The following MGAT4C variants were observed in gnomAD, a reference collection of about 807,000 sequenced individuals.
MGAT4C encodes the protein MGAT4 family member C, also known as alpha-1,3-mannosyl-glycoprotein 4-beta-N-acetylglucosaminyltransferase C.
MGAT4C carries 19 observed loss-of-function variants against 40.1 expected under a neutral mutation model. The observed-to-expected ratio is 0.47, with a 90% CI of 0.33 to 0.70. The LOEUF (loss-of-function observed/expected upper bound fraction) is 0.70, where lower values mean the gene tolerates loss of function less well. Among genes scored for constraint, MGAT4C ranks in the 30% least tolerant of loss-of-function variants. The pLI, the probability that MGAT4C is intolerant of heterozygous loss-of-function variation, is 0.02. For missense variants in MGAT4C, 491 were observed against 563.2 expected, an observed-to-expected ratio of 0.87 and a Z score of 1.30; for synonymous variants, 181 against 187.1, an observed-to-expected ratio of 0.97 and a Z score of 0.27.
chr12:86,005,941 C>T (rs1887828036), intron 2 of MGAT4C, among the ~76,000 whole-genome samples: 1 of 152,066 alleles, frequency 6.6e-6, no homozygotes, highest in Admixed American at 6.6e-5. Context: ...AAATATAGTG[C>T]ACTCTTGTGA....
At chr12:86,391,647 A>G (rs1328151418) in intron 3 of MGAT4C, among the ~76,000 whole-genome samples, 2 of 152,090 alleles carry the variant, frequency 1.3e-5, no homozygotes, top group Non-Finnish European at 2.9e-5. Flanking sequence ...TAACCAGGTC[A>G]GGAGATCGAG....
intron 2 of MGAT4C, among the ~76,000 whole-genome samples, chr12:86,667,446 C>T (rs958773738): frequency 6.6e-5 from 10 of 152,130 alleles, no homozygotes; most frequent in African/African-American, 1.4e-4. Flanking sequence ...CACTAGAATT[C>T]GTACTCCTAT....
At chr12:86,472,263 C>A (rs1957767602) in intron 2 of MGAT4C, among the ~76,000 whole-genome samples, 1 of 152,088 alleles carries the variant, frequency 6.6e-6, no homozygotes, top group South Asian at 2.1e-4. Flanking sequence ...TTCTGGTTAC[C>A]TAGAAAATGA....
chr12:86,521,934 G>A (rs954007180), intron 2 of MGAT4C, among the ~76,000 whole-genome samples: 7 of 152,018 alleles, frequency 4.6e-5, no homozygotes, highest in South Asian at 4.1e-4. Context: ...GAATGCTAGT[G>A]ATTTTGTACA....
At chr12:86,764,259 T>C (rs961933371) in intron 1 of MGAT4C, among the ~76,000 whole-genome samples, 5 of 152,084 alleles carry the variant, frequency 3.3e-5, no homozygotes, top group African/African-American at 1.2e-4. Context: ...TCTCGCTGAT[T>C]GCTAGCACAG....
At chr12:86,743,653 G>C (rs543184193) in intron 1 of MGAT4C, among the ~76,000 whole-genome samples, 1 of 151,550 alleles carries the variant, frequency 6.6e-6, no homozygotes, top group Admixed American at 6.6e-5. Flanking sequence ...TTTACAGATT[G>C]TTAAACAAAG....
rs923710816 is a variant in MGAT4C, at chr12:86,036,434, T to C, written c.-7+13240A>G. 4.7e-5 allele frequency among the ~76,000 whole-genome samples: 7 copies of C among 150,104 alleles called. 1 individual carries two copies. The highest frequency in any genetic ancestry group is 9.7e-5 in the African/African-American group (4 of 41,274). Reference sequence around the variant, plus strand: ...GCTTCCAGTTTTTGCCCATTCAGTATGATATTAGCTGAATCTTATTATTTT... The same window carrying C: ...GCTTCCAGTTTTTGCCCATTCAGTACGATATTAGCTGAATCTTATTATTTT... On this transcript the variant is annotated intron_variant, in intron 2 of 4. Transcript: ENST00000611864.
chr12:86,719,343 C>T (rs1216903062), intron 2 of MGAT4C, among the ~76,000 whole-genome samples: 1 of 152,140 alleles, frequency 6.6e-6, no homozygotes, highest in African/African-American at 2.4e-5. Flanking sequence ...TTCAGTACAG[C>T]TCCTTCAGTG....
rs567353669 is a variant in MGAT4C at position 86,061,241 on chromosome 12, C to T, written c.-56-11518G>A. Among the ~76,000 whole-genome samples the T allele has an allele frequency of 3.3e-4, 50 of 152,204 alleles. 2 individuals carry two copies. The East Asian group carries it at 8.0e-3, about 24-fold the overall frequency. On this transcript the variant is annotated intron_variant, in intron 1 of 4. Transcript: ENST00000611864. ...AAGCAGGGTGGGGCATCCCCTCAAC[C>T]GGGAAGTGCAAGGGGTTGGGGAATT...
chr12:86,507,568 A>G (rs1366565907), intron 2 of MGAT4C, among the ~76,000 whole-genome samples: 1 of 152,218 alleles, frequency 6.6e-6, no homozygotes. Flanking sequence ...AAAGCAGATT[A>G]GAGACACAGG....
chr12:86,131,706 A>G (rs1593024818), intron 1 of MGAT4C, among the ~76,000 whole-genome samples: 1 of 150,710 alleles, frequency 6.6e-6, no homozygotes, highest in East Asian at 2.0e-4. Context: ...TAATCAAGAT[A>G]GTAGTATCAA....
chr12:86,403,431 A>T (rs1013203335), intron 3 of MGAT4C, among the ~76,000 whole-genome samples: 8 of 152,206 alleles, frequency 5.3e-5, no homozygotes, highest in Admixed American at 1.3e-4. Context: ...ATCTAATAGA[A>T]TTTTTGCTAG....
At chr12:86,346,045 A>G (rs992060965) in intron 3 of MGAT4C, among the ~76,000 whole-genome samples, 1 of 152,178 alleles carries the variant, frequency 6.6e-6, no homozygotes, top group East Asian at 1.9e-4. Flanking sequence ...AGAAATAGCA[A>G]AAAGGGATTT....
intron 3 of MGAT4C, among the ~76,000 whole-genome samples, chr12:86,355,374 G>T (rs534126270): frequency 6.6e-6 from 1 of 151,568 alleles, no homozygotes; most frequent in Admixed American, 6.6e-5. Context: ...AAAAAAGTTA[G>T]TCAAAAAATA....
At chr12:86,261,803 G>T (rs868337384) in intron 4 of MGAT4C, among the ~76,000 whole-genome samples, 4 of 152,032 alleles carry the variant, frequency 2.6e-5, no homozygotes, top group Admixed American at 2.0e-4. Context: ...GTGAAGGGAA[G>T]TAAGAATCAC....
chr12:86,079,744 A>T (rs1208210559), intron 1 of MGAT4C, among the ~76,000 whole-genome samples: 1 of 151,562 alleles, frequency 6.6e-6, no homozygotes, highest in African/African-American at 2.4e-5. Context: ...TATTTGTATA[A>T]GTGTGTAAAA....
chr12:86,591,628 A>G (rs191584079), intron 2 of MGAT4C, among the ~76,000 whole-genome samples: 229 of 151,962 alleles, frequency 1.5e-3, no homozygotes, highest in African/African-American at 5.2e-3. Flanking sequence ...TGTTTTTATG[A>G]AGATGATATA....
chr12:86,196,560 T>A (rs1566127288), intron 1 of MGAT4C, among the ~76,000 whole-genome samples: 1 of 152,226 alleles, frequency 6.6e-6, no homozygotes, highest in Non-Finnish European at 1.5e-5. Context: ...TTCAGGGCTG[T>A]TCTTCCTATT....
chr12:86,056,972 C>T (rs112546790), intron 1 of MGAT4C, among the ~76,000 whole-genome samples: 3,652 of 151,988 alleles, frequency 0.024, 152 homozygotes, highest in African/African-American at 0.083. Context: ...GGAAAATAAA[C>T]ATACTAATAT....
Sources: allele counts gnomAD v4.1 joint callset (sites outside exome capture counted in the v4.1 genomes callset), GRCh38; gene constraint gnomAD v4.1.1; transcripts MANE v1.5; gene names NCBI Gene and HGNC (gene_info 2026-07-23, HGNC 2026-07-21).